Variants in ADAMTS17 observed in about 807,000 individuals in gnomAD.
The protein encoded by ADAMTS17 is A disintegrin and metalloproteinase with thrombospondin motifs 17.
ADAMTS17 carries 113 observed loss-of-function variants against 141.5 expected under a neutral mutation model. The observed-to-expected ratio is 0.80, with a 90% CI of 0.69 to 0.93. The LOEUF (loss-of-function observed/expected upper bound fraction) is 0.93. Ranked by LOEUF, ADAMTS17 falls within the 40% of genes least tolerant of loss-of-function variation. The pLI is 0.00. For synonymous variants in ADAMTS17, 768 were observed against 630.6 expected, an observed-to-expected ratio of 1.22 and a Z score of -3.27; for missense variants, 1,659 against 1,517.9, an observed-to-expected ratio of 1.09 and a Z score of -1.54.
chr15:100,341,536 G>C, intron 1 of ADAMTS17, 127 bp from the exon 2 acceptor site: 3 of 911,604 alleles, frequency 3.3e-6, no homozygotes, highest in Non-Finnish European at 4.0e-6. Flanking sequence ...CCCTTCCCTC[G>C]CCCGGCACCT....
intron 10 of ADAMTS17, among the ~76,000 whole-genome samples, chr15:100,141,950 C>T (rs1189662063): frequency 1.3e-5 from 2 of 152,222 alleles, no homozygotes; most frequent in Non-Finnish European, 2.9e-5. Flanking sequence ...GGCCAGGCTC[C>T]GGGACCCCGC....
chr15:100,178,953 A>AT (rs542745593), intron 8 of ADAMTS17, among the ~76,000 whole-genome samples: 63 of 151,416 alleles, frequency 4.2e-4, no homozygotes, highest in Non-Finnish European at 4.7e-4. Flanking sequence ...ATTGTTCCCA[A>AT]TTTTTTTTTC....
At chr15:99,994,867 C>A (rs1329268162) in intron 19 of ADAMTS17, among the ~76,000 whole-genome samples, 1 of 152,260 alleles carries the variant, frequency 6.6e-6, no homozygotes, top group Admixed American at 6.5e-5. Flanking sequence ...CCTCGCAGCT[C>A]TTTCTTACGA....
intron 3 of ADAMTS17, among the ~76,000 whole-genome samples, chr15:100,326,265 T>C (rs2045898006): frequency 6.6e-6 from 1 of 152,248 alleles, no homozygotes; most frequent in Non-Finnish European, 1.5e-5. Context: ...CCATTCCTTT[T>C]AGGTTCTGCT....
At chr15:100,097,698 T>A (rs1426381039) in intron 14 of ADAMTS17, among the ~76,000 whole-genome samples, 1 of 152,196 alleles carries the variant, frequency 6.6e-6, no homozygotes, top group Non-Finnish European at 1.5e-5. Context: ...CCCTAGAGTT[T>A]CTGACCCAGC....
chr15:100,184,406 G>A (rs982077646), intron 8 of ADAMTS17, among the ~76,000 whole-genome samples: 1 of 152,232 alleles, frequency 6.6e-6, no homozygotes, highest in African/African-American at 2.4e-5. Context: ...TGGCCAGTGA[G>A]CCTTCTTCTT....
At chr15:100,074,717 G>C (rs1179876135) in intron 15 of ADAMTS17, among the ~76,000 whole-genome samples, 1 of 152,064 alleles carries the variant, frequency 6.6e-6, no homozygotes, top group South Asian at 2.1e-4. Context: ...TTTGGTATCA[G>C]TATTATTCTT....
At chr15:100,262,243 G>T in intron 5 of ADAMTS17, 109 bp downstream of exon 5, 1 of 977,436 alleles carries the variant, frequency 1.0e-6, no homozygotes, top group Non-Finnish European at 1.6e-6. Context: ...CACAGAGAGT[G>T]ACGGAGACTG....
chr15:100,300,493 C>T (rs1327602260), intron 3 of ADAMTS17, among the ~76,000 whole-genome samples: 2 of 152,140 alleles, frequency 1.3e-5, no homozygotes, highest in South Asian at 2.1e-4. Flanking sequence ...TTTCCAATGC[C>T]CCCACTGGAT....
In ADAMTS17 at chr15:100,079,717, G is replaced by A. The variant is rs113504347; in HGVS notation, c.2137+16639C>T. Among the ~76,000 whole-genome samples, 362 of 152,258 alleles carry A rather than the reference G, an allele frequency of 2.4e-3. 2 individuals are homozygous for A. Among genetic ancestry groups the A allele is most frequent in the African/African-American group, 8.2e-3 (339 of 41,552 alleles). ...CCTCACTGGAATAGACACTTACTCC[G>A]GATATGGGTTTGCCTATCCTGCACG... On this transcript the variant is annotated intron_variant, in intron 15 of 21. Transcript: ENST00000268070.
At chr15:100,113,234 C>T (rs965347477) in intron 13 of ADAMTS17, among the ~76,000 whole-genome samples, 3 of 152,116 alleles carry the variant, frequency 2.0e-5, no homozygotes, top group African/African-American at 4.8e-5. Flanking sequence ...CATGTCTGCT[C>T]GTGGTTGACG....
At chr15:100,028,579 G>C (rs1429131297) in intron 18 of ADAMTS17, among the ~76,000 whole-genome samples, 3 of 152,232 alleles carry the variant, frequency 2.0e-5, no homozygotes, top group Non-Finnish European at 4.4e-5. Context: ...GAACTGTCCT[G>C]AGCCATTTAT....
chr15:100,040,876 C>A (rs1290939606), intron 18 of ADAMTS17, among the ~76,000 whole-genome samples: 2 of 152,168 alleles, frequency 1.3e-5, no homozygotes, highest in African/African-American at 4.8e-5. Context: ...ATCAACAAGG[C>A]ATGTAATACA....
chr15:100,258,154 G>T (rs990398675), intron 6 of ADAMTS17, among the ~76,000 whole-genome samples: 8 of 152,224 alleles, frequency 5.3e-5, no homozygotes, highest in Admixed American at 5.2e-4. Flanking sequence ...CCTCTTGGCT[G>T]TCATGAATAA....
At chr15:100,187,386 T>C (rs1277101868) in intron 8 of ADAMTS17, among the ~76,000 whole-genome samples, 1 of 152,198 alleles carries the variant, frequency 6.6e-6, no homozygotes. Context: ...CACAAGGAAA[T>C]GAACTTTACA....
At chr15:100,090,106 A>T (rs1338224860) in intron 15 of ADAMTS17, among the ~76,000 whole-genome samples, 1 of 152,162 alleles carries the variant, frequency 6.6e-6, no homozygotes, top group African/African-American at 2.4e-5. Flanking sequence ...AGCTTTTAGG[A>T]TTGTGGCACA....
chr15:100,294,503 G>C (rs1343027363), intron 3 of ADAMTS17, among the ~76,000 whole-genome samples: 3 of 152,012 alleles, frequency 2.0e-5, no homozygotes, highest in Non-Finnish European at 4.4e-5. Context: ...GTGAGGCCAA[G>C]GTAGAAGGAT....
At chr15:100,314,960 C>A (rs1211242763) in intron 3 of ADAMTS17, among the ~76,000 whole-genome samples, 1 of 152,178 alleles carries the variant, frequency 6.6e-6, no homozygotes. Flanking sequence ...ATTTTATAAA[C>A]CGGGAACTGA....
At chr15:100,076,338 T>C (rs1037021524) in intron 15 of ADAMTS17, among the ~76,000 whole-genome samples, 7 of 152,196 alleles carry the variant, frequency 4.6e-5, no homozygotes, top group Admixed American at 1.3e-4. Context: ...CCATTGTGCC[T>C]GGCCTATGAG....
Sources: gnomAD v4.1 joint callset for allele counts (sites outside exome capture counted in the v4.1 genomes callset) on GRCh38, gnomAD v4.1.1 for gene constraint, MANE v1.5 for transcripts, NCBI Gene and HGNC (gene_info 2026-07-23, HGNC 2026-07-21) for gene names.